The following SPCS2 variants were observed in gnomAD, a reference collection of about 807,000 sequenced individuals.
SPCS2 encodes SPase 25 kDa subunit.
A neutral mutation model predicts 22.3 loss-of-function variants in SPCS2; 3 were observed. The observed-to-expected ratio is 0.13, with a 90% CI of 0.06 to 0.35. The LOEUF (loss-of-function observed/expected upper bound fraction) is 0.35. SPCS2 is among the 10% of genes least tolerant of loss of function. The pLI, the probability that SPCS2 is intolerant of heterozygous loss-of-function variation, is 1.00. For synonymous variants in SPCS2, 67 were observed against 97.2 expected, an observed-to-expected ratio of 0.69 and a Z score of 1.83; for missense variants, 169 against 280.9, an observed-to-expected ratio of 0.60 and a Z score of 2.85.
At chr11:74,950,557 ACTCTT>A (rs1948399462) in intron 1 of SPCS2, among the ~76,000 whole-genome samples, 1 of 151,904 alleles carries the variant, frequency 6.6e-6, no homozygotes, top group African/African-American at 2.4e-5. Context: ...TGGTTCTCAC[ACTCTT>A]CTCTTGTGAG....
chr11:74,976,870 T>TA lies in SPCS2; in HGVS notation c.509dup (p.Tyr170Ter). The TA allele has an allele frequency of 6.2e-7, 1 of 1,613,566 alleles. No individual in the cohort carries two copies. The highest frequency in any genetic ancestry group is 8.5e-7 in the Non-Finnish European group (1 of 1,179,644). Residue 170 changes from tyrosine (Y) to a stop codon, truncating the protein, a stop_gained and frameshift_variant, in exon 5 of 5, where the codon TAC (tyrosine) becomes TAAC (stop). Transcript: ENST00000263672. LOFTEE classifies it high-confidence loss of function. ...SSSLKRFDDK[Y>*]TLKLTFISGR... ...CCCCATGCTTAGGTTTGATGACAAA[T>TA]ACACCTTGAAGCTGACCTTCATCAG...
rs1948621213 is a variant in SPCS2 at position 74,977,324 on chromosome 11, T to C, written c.*281T>C. The C allele has an allele frequency of 6.8e-5, 12 of 175,534 alleles. No homozygotes were observed. In the South Asian group the frequency reaches 1.4e-3, roughly 21 times the overall value. The allele number at this position is 175,534 out of a possible 1,614,324, so 10.9% of individuals were successfully genotyped here. On this transcript the variant is annotated 3_prime_UTR_variant, in exon 5 of 5. Transcript: ENST00000263672. ...TTTGCTAAAAGCTGTACAGACTTTT[T>C]CTTTTGTACCTAGCAGTACTTTATA... is the stretch of plus-strand genomic sequence containing the variant.
intron 3 of SPCS2, among the ~76,000 whole-genome samples, chr11:74,966,250 G>A (rs1027076095): frequency 5.9e-5 from 9 of 152,140 alleles, no homozygotes; most frequent in African/African-American, 1.9e-4. Context: ...AACTTTTCCC[G>A]TTAGACGTGG....
chr11:74,954,126 T>TTTTAA lies in SPCS2; in HGVS notation c.114+4728_114+4732dup, dbSNP rs1483306169. Reference sequence around the variant, plus strand: ...TTGAGAACTACTGGCTTAAATGATTTTTTAAAGTCTCTTCTGGTTCTGACA... The same window carrying TTTTAA: ...TTGAGAACTACTGGCTTAAATGATTTTTTAATTTAAAGTCTCTTCTGGTTCTGACA... On this transcript the variant is annotated intron_variant, in intron 1 of 4. Transcript: ENST00000263672. 4.6e-5 allele frequency among the ~76,000 whole-genome samples: 7 copies of TTTTAA among 152,386 alleles called. No individual in the cohort carries two copies. In the East Asian group the frequency reaches 1.3e-3, roughly 29 times the overall value.
At chr11:74,955,870 A>ATATATATATATATATATG (rs1948475927) in intron 1 of SPCS2, among the ~76,000 whole-genome samples, 1 of 114,226 alleles carries the variant, frequency 8.8e-6, no homozygotes, top group Non-Finnish European at 1.8e-5. Context: ...ATATATATAT[A>ATATATATATATATATATG]TATATATATA....
At chr11:74,970,991 C>T (rs1948580779) in intron 4 of SPCS2, among the ~76,000 whole-genome samples, 1 of 151,840 alleles carries the variant, frequency 6.6e-6, no homozygotes, top group South Asian at 2.1e-4. Context: ...AAAAAAAAAA[C>T]CTCTGTACTC....
chr11:74,963,278 G>T (rs532405277), intron 1 of SPCS2, among the ~76,000 whole-genome samples: 3 of 152,222 alleles, frequency 2.0e-5, no homozygotes, highest in African/African-American at 7.2e-5. Flanking sequence ...GCAGTATGCT[G>T]CCATGAGTAA....
intron 1 of SPCS2, among the ~76,000 whole-genome samples, chr11:74,962,112 T>C (rs1477852620): frequency 6.6e-6 from 1 of 152,172 alleles, no homozygotes; most frequent in African/African-American, 2.4e-5. Context: ...AATAAAAAGA[T>C]GAGTGGCAAT....
At chr11:74,962,701 A>G (rs377202554) in intron 1 of SPCS2, among the ~76,000 whole-genome samples, 14 of 152,352 alleles carry the variant, frequency 9.2e-5, no homozygotes, top group South Asian at 8.3e-4. Flanking sequence ...CCCTTCTTCC[A>G]GATGGTTCTC....
chr11:74,955,544 A>G (rs1948473110), intron 1 of SPCS2, among the ~76,000 whole-genome samples: 1 of 152,048 alleles, frequency 6.6e-6, no homozygotes, highest in South Asian at 2.1e-4. Context: ...GATAGGGGAC[A>G]GGAATAAGAT....
At chr11:74,949,608 T>G (rs1006324900) in intron 1 of SPCS2, 4 of 622,654 alleles carry the variant, frequency 6.4e-6, no homozygotes, top group Non-Finnish European at 1.2e-5. Context: ...AACTTCTTCT[T>G]TTCTCGCAAG....
At chr11:74,962,763 A>C (rs998759103) in intron 1 of SPCS2, among the ~76,000 whole-genome samples, 8 of 152,232 alleles carry the variant, frequency 5.3e-5, no homozygotes, top group Non-Finnish European at 1.2e-4. Flanking sequence ...GTTGCCGTAA[A>C]GTCAAATTAT....
chr11:74,978,710 T>C lies in SPCS2; in HGVS notation c.*1667T>C, dbSNP rs1233816551. The C allele has an allele frequency of 6.6e-6, 1 of 152,340 alleles. No individual in the cohort carries two copies. The highest frequency in any genetic ancestry group is 2.4e-5 in the African/African-American group (1 of 41,588). The allele number at this position is 152,340 out of a possible 1,614,324, so 9.4% of individuals were successfully genotyped here. On this transcript the variant is annotated 3_prime_UTR_variant, in exon 5 of 5. Coordinates refer to ENST00000263672, the MANE Select transcript of SPCS2 (RefSeq NM_014752.3). Reference sequence around the variant, plus strand: ...TTGGTTTTTTAATTTATATTTTTTGTTATTTTTTAAAATATATTTTTAATC... The same window carrying C: ...TTGGTTTTTTAATTTATATTTTTTGCTATTTTTTAAAATATATTTTTAATC...
At chr11:74,958,885 C>G (rs1948494246) in intron 1 of SPCS2, among the ~76,000 whole-genome samples, 1 of 152,084 alleles carries the variant, frequency 6.6e-6, no homozygotes, top group East Asian at 1.9e-4. Context: ...TGTTACTCCC[C>G]TCCAGATCAT....
At chr11:74,959,461 C>T (rs116235869) in intron 1 of SPCS2, among the ~76,000 whole-genome samples, 1,887 of 152,294 alleles carry the variant, frequency 0.012, 51 homozygotes, top group African/African-American at 0.043. Context: ...GGCACAATCA[C>T]GGCTCACTGC....
At chr11:74,974,218 T>A (rs1206520208) in intron 4 of SPCS2, among the ~76,000 whole-genome samples, 2 of 152,220 alleles carry the variant, frequency 1.3e-5, no homozygotes, top group Admixed American at 1.3e-4. Flanking sequence ...CCCATTTTTT[T>A]ACATTTGAAA....
In SPCS2 at chr11:74,971,974, T is replaced by C. The variant is rs1262855661; in HGVS notation, c.494+2275T>C. Among the ~76,000 whole-genome samples the C allele has an allele frequency of 2.6e-5, 4 of 152,328 alleles. No individual in the cohort carries two copies. The Middle Eastern group carries it at 0.01, about 391-fold the overall frequency. ...TTCTTCTCTCTGGCTTAGCTATCTT[T>C]CTGTAACCTGGCTCACTCCTACTTC... On this transcript the variant is annotated intron_variant, in intron 4 of 4. Coordinates refer to ENST00000263672, the MANE Select transcript of SPCS2 (RefSeq NM_014752.3).
chr11:74,973,650 T>C (rs1484100312), intron 4 of SPCS2, among the ~76,000 whole-genome samples: 1 of 152,206 alleles, frequency 6.6e-6, no homozygotes, highest in African/African-American at 2.4e-5. Flanking sequence ...CTTACCTGGC[T>C]TAGATTCCAT....
intron 3 of SPCS2, among the ~76,000 whole-genome samples, chr11:74,967,021 G>T (rs1305919060): frequency 6.6e-6 from 1 of 152,196 alleles, no homozygotes; most frequent in African/African-American, 2.4e-5. Context: ...GGGATTACAG[G>T]CATAAGCCAC....
Sources: allele counts gnomAD v4.1 joint callset (sites outside exome capture counted in the v4.1 genomes callset), GRCh38; gene constraint gnomAD v4.1.1; transcripts MANE v1.5; gene names NCBI Gene and HGNC (gene_info 2026-07-23, HGNC 2026-07-21).